RLF: variants seen among roughly 807,000 people sequenced by gnomAD.
RLF encodes the protein RLF zinc finger, also known as zinc finger protein Rlf.
Under a neutral mutation model 162.9 loss-of-function variants are expected in RLF, and 7 were observed. That is an observed-to-expected ratio of 0.04 (90% CI 0.02 to 0.08). The LOEUF is 0.08. Ranked by LOEUF, RLF falls within the 10% of genes least tolerant of loss-of-function variation. The pLI is 1.00. For synonymous variants in RLF, 782 were observed against 791.5 expected (o/e 0.99, Z 0.20); for missense variants, 1,664 against 2,244.7 (o/e 0.74, Z 5.23).
chr1:40,186,720 A>G (rs1011550218), intron 1 of RLF, among the ~76,000 whole-genome samples: 1 of 152,156 alleles, frequency 6.6e-6, no homozygotes, highest in Non-Finnish European at 1.5e-5. Flanking sequence ...GCCCGCCCCC[A>G]CTGCATCTAG....
intron 1 of RLF, among the ~76,000 whole-genome samples, chr1:40,171,294 A>G (rs528618352): frequency 6.6e-6 from 1 of 152,168 alleles, no homozygotes. Flanking sequence ...CTCCCAAGGC[A>G]CTGGGATTAG....
chr1:40,240,825 T>G lies in RLF; in HGVS notation c.*378T>G, dbSNP rs1643282871. Reference sequence around the variant, plus strand: ...AGGGATATGGAGTTCTTACTTGACTTGAATGTGCACCTGAGGGTGCTTTGT... The same window carrying G: ...AGGGATATGGAGTTCTTACTTGACTGGAATGTGCACCTGAGGGTGCTTTGT... On this transcript the variant is annotated 3_prime_UTR_variant, in exon 8 of 8. Coordinates refer to ENST00000372771, the MANE Select transcript of RLF (RefSeq NM_012421.4). 5.2e-6 allele frequency: 1 copy of G among 191,314 alleles called. No homozygotes were observed. The allele number at this position is 191,314 out of a possible 1,614,324, so 11.9% of individuals were successfully genotyped here. A position where few individuals can be genotyped will look rare whatever the true frequency, so the allele number is the denominator to read the frequency against.
At chr1:40,193,127 CAA>C (rs76035508) in intron 3 of RLF, among the ~76,000 whole-genome samples, 5,031 of 64,862 alleles carry the variant, frequency 0.078, 167 homozygotes, top group African/African-American at 0.23. Flanking sequence ...GTGGTCTTAG[CAA>C]AAAAAAAAAA....
rs1312997393 is a variant in RLF, at chr1:40,161,873, C to T, written c.237+237C>T. Among the ~76,000 whole-genome samples the T allele has an allele frequency of 6.6e-6, 1 of 152,184 alleles. No homozygotes were observed. Among genetic ancestry groups the T allele is most frequent in the East Asian group, 1.9e-4 (1 of 5,186 alleles). On this transcript the variant is annotated intron_variant, in intron 1 of 7. Coordinates refer to ENST00000372771, the MANE Select transcript of RLF (RefSeq NM_012421.4). This position sits in a 1 kb window ranked among gnomAD's most constrained non-coding sequence, Gnocchi z 4.4. ...GAGCCTTACTGAGATCCCGGAGGGC[C>T]CTGGCGGGTCCCTGGAAGGGCTGTG...
At chr1:40,203,468 G>C (rs1288165368) in intron 5 of RLF, among the ~76,000 whole-genome samples, 1 of 151,596 alleles carries the variant, frequency 6.6e-6, no homozygotes, top group Non-Finnish European at 1.5e-5. Flanking sequence ...GCTTGAACCC[G>C]GGAGGTGGAG....
At chr1:40,231,850 A>G (rs765763983) in intron 7 of RLF, among the ~76,000 whole-genome samples, 192 bp downstream of exon 7, 1 of 152,210 alleles carries the variant, frequency 6.6e-6, no homozygotes, top group African/African-American at 2.4e-5. Flanking sequence ...TTGATGGTCA[A>G]ACAAGTTAGG....
intron 5 of RLF, among the ~76,000 whole-genome samples, chr1:40,221,639 G>T: frequency 6.6e-6 from 1 of 151,562 alleles, no homozygotes; most frequent in Admixed American, 6.6e-5. Context: ...GGTGGCTCAC[G>T]ACTGTAATCC....
chr1:40,198,462 A>AC (rs764567766), intron 4 of RLF, among the ~76,000 whole-genome samples: 2 of 150,092 alleles, frequency 1.3e-5, no homozygotes, highest in Non-Finnish European at 3.0e-5. Flanking sequence ...GTGCCACCAC[A>AC]CCCGGCTAAT....
intron 1 of RLF, among the ~76,000 whole-genome samples, chr1:40,187,215 G>A (rs1182718507): frequency 6.6e-6 from 1 of 152,074 alleles, no homozygotes; most frequent in African/African-American, 2.4e-5. Flanking sequence ...TGTATTTTTA[G>A]AGACGGGGTT....
intron 1 of RLF, among the ~76,000 whole-genome samples, chr1:40,176,941 C>T (rs1264917664): frequency 6.6e-6 from 1 of 151,482 alleles, no homozygotes; most frequent in Non-Finnish European, 1.5e-5. Flanking sequence ...TTTTATTATT[C>T]TCTTAACAGT....
At chr1:40,235,748 T>C in intron 7 of RLF, 44 bp from the exon 8 acceptor site, 1 of 1,390,044 alleles carries the variant, frequency 7.2e-7, no homozygotes, top group Non-Finnish European at 9.6e-7. Flanking sequence ...ATATAATCTT[T>C]CTGTATGCAA....
At chr1:40,228,017 A>T (rs1438717655) in intron 6 of RLF, among the ~76,000 whole-genome samples, 1 of 151,690 alleles carries the variant, frequency 6.6e-6, no homozygotes, top group Non-Finnish European at 1.5e-5. Flanking sequence ...GAAAAAATTT[A>T]TTTGAGCCTG....
chr1:40,174,795 A>G (rs975826738), intron 1 of RLF, among the ~76,000 whole-genome samples: 1 of 152,200 alleles, frequency 6.6e-6, no homozygotes, highest in African/African-American at 2.4e-5. Context: ...AGTGGAAACT[A>G]CTGATTAGAA....
At chr1:40,205,849 C>G (rs1259866244) in intron 5 of RLF, among the ~76,000 whole-genome samples, 1 of 152,114 alleles carries the variant, frequency 6.6e-6, no homozygotes, top group Non-Finnish European at 1.5e-5. Flanking sequence ...TATACCATAT[C>G]ACTAAATCTA....
At chr1:40,203,078 A>G (rs569230557) in intron 5 of RLF, among the ~76,000 whole-genome samples, 2 of 151,552 alleles carry the variant, frequency 1.3e-5, no homozygotes, top group Non-Finnish European at 2.9e-5. Flanking sequence ...TAAGTGGCCA[A>G]ACTGGATATC....
intron 4 of RLF, among the ~76,000 whole-genome samples, chr1:40,196,509 T>C (rs903332287): frequency 2.8e-5 from 4 of 142,644 alleles, no homozygotes; most frequent in African/African-American, 9.8e-5. Context: ...TTTTGTTTTG[T>C]TTTGTTTTAA....
chr1:40,231,844 T>C (rs1404736065), intron 7 of RLF, among the ~76,000 whole-genome samples, 186 bp downstream of exon 7: 3 of 152,284 alleles, frequency 2.0e-5, no homozygotes, highest in African/African-American at 7.2e-5. Context: ...AACAAATTGA[T>C]GGTCAAACAA....
intron 5 of RLF, 21 bp downstream of exon 5, chr1:40,202,635 A>G: frequency 7.4e-7 from 1 of 1,359,690 alleles, no homozygotes; most frequent in Non-Finnish European, 1.0e-6. Context: ...AATTGTTGTC[A>G]TTCAAACTTG....
Position 40,239,581 on chromosome 1 carries a change from C to G in RLF, c.4879C>G (p.His1627Asp), listed in dbSNP as rs926243881. The G allele has an allele frequency of 6.2e-7, 1 of 1,614,132 alleles. No homozygotes were observed. Reference sequence around the variant, plus strand: ...TGAATCAGAGCGCACAGAACACAGCCATTCCCCGGGTGACAGTAGTGCACC... The same window carrying G: ...TGAATCAGAGCGCACAGAACACAGCGATTCCCCGGGTGACAGTAGTGCACC... ...SCESERTEHS[H>D]SPGDSSAPIQ... The change falls in exon 8 of 8, where the codon CAT (histidine) becomes GAT (aspartate). Residue 1627 changes from histidine (H) to aspartate (D), a missense_variant. Transcript: ENST00000372771.
Sources: allele counts gnomAD v4.1 joint callset (sites outside exome capture counted in the v4.1 genomes callset), GRCh38; gene constraint gnomAD v4.1.1; non-coding constraint Gnocchi (gnomAD v3.1); transcripts MANE v1.5; gene names NCBI Gene and HGNC (gene_info 2026-07-23, HGNC 2026-07-21).